The following CCAR1 variants were observed in gnomAD, a reference collection of about 807,000 sequenced individuals.
The protein encoded by CCAR1 is cell division cycle and apoptosis regulator protein 1.
CCAR1 carries 78 observed loss-of-function variants against 163.8 expected under a neutral mutation model. That is an observed-to-expected ratio of 0.48 (90% CI 0.40 to 0.57). CCAR1 has a LOEUF of 0.57. Ranked by LOEUF, CCAR1 falls within the 20% of genes least tolerant of loss-of-function variation. The pLI is 0.00. For synonymous variants in CCAR1, 443 were observed against 460.7 expected (o/e 0.96, Z 0.49); for missense variants, 1,019 against 1,365.2 (o/e 0.75, Z 4.00).
At chr10:68,760,525 A>C (rs376067464) in intron 15 of CCAR1, among the ~76,000 whole-genome samples, 3 of 152,184 alleles carry the variant, frequency 2.0e-5, no homozygotes, top group African/African-American at 7.2e-5. Context: ...TTGCATTTTC[A>C]CAAGTGTTTT....
intron 15 of CCAR1, 87 bp downstream of exon 15, chr10:68,757,464 G>A: frequency 4.2e-6 from 3 of 712,820 alleles, no homozygotes; most frequent in Non-Finnish European, 7.3e-6. Flanking sequence ...GCCCAGGCTG[G>A]AGTGTAGTGG....
rs746771621 is a variant in CCAR1 at position 68,749,586 on chromosome 10, G to A, written c.1019G>A (p.Arg340Gln). ...AGATCACCTCAGAGGAAACGTTCCC[G>A]GGAAAGATCTCCACGAAGAGAGCGA... The part of the protein sequence containing the change: ...RERSPQRKRS[R>Q]ERSPRRERER... The change falls in exon 10 of 25, where the codon CGG becomes CAG. Residue 340 changes from arginine (R) to glutamine (Q), a missense_variant. By Grantham distance (43) the Arg-to-Gln change is conservative. Around this residue, in one of 4 missense-constraint regions of CCAR1, gnomAD observed 644 missense variants for 904.4 expected, o/e 0.71. Transcript: ENST00000265872. 5 of 1,613,814 alleles carry A rather than the reference G, an allele frequency of 3.1e-6. No homozygotes were observed. Among genetic ancestry groups the A allele is most frequent in the Admixed American group, 3.3e-5 (2 of 59,992 alleles).
intron 23 of CCAR1, among the ~76,000 whole-genome samples, chr10:68,788,883 T>C (rs2056823549): frequency 6.6e-6 from 1 of 152,022 alleles, no homozygotes; most frequent in Non-Finnish European, 1.5e-5. Flanking sequence ...CATTGTTACC[T>C]GTTGCATCCT....
At chr10:68,758,099 G>C (rs1468900798) in intron 15 of CCAR1, among the ~76,000 whole-genome samples, 3 of 152,088 alleles carry the variant, frequency 2.0e-5, no homozygotes, top group Non-Finnish European at 4.4e-5. Context: ...GTGTTTCCCA[G>C]ACTGGAGTGC....
intron 17 of CCAR1, among the ~76,000 whole-genome samples, chr10:68,769,450 A>T (rs893620281): frequency 5.3e-5 from 8 of 152,030 alleles, no homozygotes; most frequent in Non-Finnish European, 1.0e-4. Flanking sequence ...GAGAAACCCC[A>T]TCTCTACTAA....
chr10:68,759,795 T>C (rs2056445752), intron 15 of CCAR1, among the ~76,000 whole-genome samples: 1 of 152,124 alleles, frequency 6.6e-6, no homozygotes, highest in African/African-American at 2.4e-5. Flanking sequence ...ATTTTATCCA[T>C]GTAATTATTT....
rs1215822395 is a variant in CCAR1, at chr10:68,791,938, G to C, written c.*672G>C. On this transcript the variant is annotated 3_prime_UTR_variant, in exon 25 of 25. Transcript: ENST00000265872. ...ATATAAAAATTAGCTGGGCATGGTG[G>C]TGGGTGCCTGTAATCCCAGCTACTT... is the stretch of plus-strand genomic sequence containing the variant. The C allele has an allele frequency of 1.3e-5, 2 of 152,196 alleles. No homozygotes were observed. Among genetic ancestry groups the C allele is most frequent in the Non-Finnish European group, 2.9e-5 (2 of 68,136 alleles). 9.4% of individuals were successfully genotyped at this position (152,196 alleles called of 1,614,324 possible).
chr10:68,767,483 T>C (rs1304192480), intron 17 of CCAR1, among the ~76,000 whole-genome samples: 1 of 152,112 alleles, frequency 6.6e-6, no homozygotes, highest in African/African-American at 2.4e-5. Flanking sequence ...TGACCTCAAG[T>C]GATCCAACTG....
intron 17 of CCAR1, among the ~76,000 whole-genome samples, chr10:68,768,326 C>T (rs1207208675): frequency 6.6e-6 from 1 of 151,428 alleles, no homozygotes; most frequent in East Asian, 1.9e-4. Context: ...AAGCAGTTGC[C>T]TGGCTGGGTG....
chr10:68,758,151 T>C (rs1033646190), intron 15 of CCAR1, among the ~76,000 whole-genome samples: 6 of 152,068 alleles, frequency 3.9e-5, no homozygotes, highest in Admixed American at 3.3e-4. Context: ...GCCTCCTGGG[T>C]TCAAATGATT....
intron 15 of CCAR1, among the ~76,000 whole-genome samples, chr10:68,757,784 G>T (rs972190841): frequency 3.3e-5 from 5 of 151,742 alleles, no homozygotes; most frequent in African/African-American, 1.2e-4. Flanking sequence ...TCTGTTGAAT[G>T]CCTATAATAT....
At chr10:68,737,419 T>C (rs547048826) in intron 3 of CCAR1, among the ~76,000 whole-genome samples, 1 of 151,406 alleles carries the variant, frequency 6.6e-6, no homozygotes, top group Non-Finnish European at 1.5e-5. Flanking sequence ...GGAGGATTGC[T>C]TGAGCATTGG....
At chr10:68,761,990 T>TA (rs2133379469) in intron 16 of CCAR1, among the ~76,000 whole-genome samples, 1 of 152,204 alleles carries the variant, frequency 6.6e-6, no homozygotes, top group South Asian at 2.1e-4. Context: ...CAAATGCATA[T>TA]AGTTATATAA....
intron 19 of CCAR1, among the ~76,000 whole-genome samples, chr10:68,784,593 A>AGGG (rs530492990): frequency 1.2e-4 from 18 of 152,304 alleles, no homozygotes; most frequent in African/African-American, 4.1e-4. Context: ...CTTTTCACCC[A>AGGG]GGCTGAGTGC....
chr10:68,737,293 C>T (rs1369061728), intron 3 of CCAR1, among the ~76,000 whole-genome samples: 2 of 151,754 alleles, frequency 1.3e-5, no homozygotes, highest in Non-Finnish European at 1.5e-5. Context: ...TCGTCTGAGC[C>T]CGGGAATTTG....
Position 68,787,939 on chromosome 10 carries a change from C to T in CCAR1, c.2893C>T (p.Leu965Phe), listed in dbSNP as rs752268957. 8 of 1,605,464 alleles carry T rather than the reference C, an allele frequency of 5.0e-6. No homozygotes were observed. The highest frequency in any genetic ancestry group is 6.8e-6 in the Non-Finnish European group (8 of 1,177,822). Residue 965 changes from leucine (L) to phenylalanine (F), a missense_variant, in exon 22 of 25, where the codon CTT (leucine) becomes TTT (phenylalanine). Coordinates refer to ENST00000265872, the MANE Select transcript of CCAR1 (RefSeq NM_018237.4). ...GCATGCATAACAGGTAAAGAAGCTTCTTAATAAAGTAGTGCTCCGTGAATC... is the reference window on the plus strand; with the variant it reads ...GCATGCATAACAGGTAAAGAAGCTTTTTAATAAAGTAGTGCTCCGTGAATC... ...HLSRAQVKKL[L>F]NKVVLRESCF...
Position 68,788,367 on chromosome 10 carries a change from C to T in CCAR1, c.3187+39C>T, listed in dbSNP as rs139398908. On this transcript the variant is annotated intron_variant, in intron 23 of 24. Transcript: ENST00000265872. The stretch of plus-strand genomic sequence containing the variant: ...TTGAATATGTTAATACTTTCAGCAC[C>T]CTGCTGGGACACGTATATGTTTATG... The T allele has an allele frequency of 5.0e-4, 702 of 1,415,360 alleles. 1 individual carries two copies. The African/African-American group carries it at 6.5e-3, about 13-fold the overall frequency. The allele number at this position is 1,415,360 out of a possible 1,614,324, so 87.7% of individuals were successfully genotyped here.
In CCAR1 at chr10:68,740,672, A is replaced by G. The variant is rs757492993; in HGVS notation, c.324+11A>G. The G allele has an allele frequency of 6.2e-7, 1 of 1,602,788 alleles. No homozygotes were observed. The highest frequency in any genetic ancestry group is 1.7e-5 in the Admixed American group (1 of 58,528). On this transcript the variant is annotated intron_variant, in intron 5 of 24. Coordinates refer to ENST00000265872, the MANE Select transcript of CCAR1 (RefSeq NM_018237.4). ...ACCCTCTTAACACAGGTTAGTTGGT[A>G]TTACTTTATTTGTTTTGGATGTCTG...
chr10:68,751,508 C>T (rs1400087248), intron 10 of CCAR1, among the ~76,000 whole-genome samples: 1 of 152,106 alleles, frequency 6.6e-6, no homozygotes, highest in Non-Finnish European at 1.5e-5. Context: ...ATTGAATGCT[C>T]TTTTGGGAAG....
Sources: allele counts gnomAD v4.1 joint callset (sites outside exome capture counted in the v4.1 genomes callset), GRCh38; gene constraint gnomAD v4.1.1; regional missense constraint gnomAD v4.1.1; transcripts MANE v1.5; gene names NCBI Gene and HGNC (gene_info 2026-07-23, HGNC 2026-07-21).